FOXJ3: variants seen among roughly 807,000 people sequenced by gnomAD.
FOXJ3 encodes the protein forkhead box J3.
Under a neutral mutation model 76.1 loss-of-function variants are expected in FOXJ3, and 22 were observed. The ratio of observed to expected loss-of-function variants is 0.29; its 90% CI spans 0.21 to 0.41. The LOEUF (loss-of-function observed/expected upper bound fraction) is 0.41, where lower values mean the gene tolerates loss of function less well. Ranked by LOEUF, FOXJ3 falls within the 10% of genes least tolerant of loss-of-function variation. The pLI is 1.00. For missense variants in FOXJ3, 613 were observed against 762.1 expected, an observed-to-expected ratio of 0.80 and a Z score of 2.30; for synonymous variants, 269 against 261.2, an observed-to-expected ratio of 1.03 and a Z score of -0.29.
chr1:42,257,737 C>A (rs200804971), intron 4 of FOXJ3, among the ~76,000 whole-genome samples: 1,689 of 131,402 alleles, frequency 0.013, no homozygotes, highest in Middle Eastern at 0.022. Flanking sequence ...GACTCTGTCT[C>A]AAAAAAAAAA....
intron 1 of FOXJ3, among the ~76,000 whole-genome samples, chr1:42,313,957 C>A (rs1654959766): frequency 6.6e-6 from 1 of 152,160 alleles, no homozygotes; most frequent in Non-Finnish European, 1.5e-5. Context: ...ATCTAACATT[C>A]CCTCCTGGAA....
chr1:42,324,781 G>A (rs896311209), intron 1 of FOXJ3, among the ~76,000 whole-genome samples: 1 of 152,186 alleles, frequency 6.6e-6, no homozygotes, highest in Non-Finnish European at 1.5e-5. Flanking sequence ...TGCCTGTATA[G>A]GACACTTAAC....
At chr1:42,319,516 T>G (rs554567266) in intron 1 of FOXJ3, among the ~76,000 whole-genome samples, 1 of 152,234 alleles carries the variant, frequency 6.6e-6, no homozygotes, top group South Asian at 2.1e-4. Context: ...AAATGGAGAA[T>G]AGAGATTGAC....
At chr1:42,296,684 C>T (rs186073699) in intron 2 of FOXJ3, among the ~76,000 whole-genome samples, 107 of 152,324 alleles carry the variant, frequency 7.0e-4, no homozygotes, top group African/African-American at 2.5e-3. Flanking sequence ...TTTTGTACCA[C>T]TATCATGCTG....
intron 2 of FOXJ3, among the ~76,000 whole-genome samples, chr1:42,305,569 T>C (rs912555700): frequency 1.4e-4 from 22 of 152,100 alleles, no homozygotes; most frequent in African/African-American, 5.3e-4. Context: ...GTTTTCAACA[T>C]GGATGGAACT....
chr1:42,237,662 C>A (rs949811792), intron 4 of FOXJ3, among the ~76,000 whole-genome samples: 2 of 151,512 alleles, frequency 1.3e-5, no homozygotes, highest in Non-Finnish European at 1.5e-5. Flanking sequence ...TTTCATTTTA[C>A]GATATGTGCT....
chr1:42,208,845 A>G (rs1646910605), intron 5 of FOXJ3, among the ~76,000 whole-genome samples: 1 of 152,238 alleles, frequency 6.6e-6, no homozygotes, highest in Non-Finnish European at 1.5e-5. Flanking sequence ...ACCTACCTTA[A>G]ACACGTTCAG....
intron 1 of FOXJ3, among the ~76,000 whole-genome samples, chr1:42,324,504 T>C (rs1405761065): frequency 6.6e-6 from 1 of 151,730 alleles, no homozygotes; most frequent in Non-Finnish European, 1.5e-5. Context: ...ATTAGTACAG[T>C]GATGCATCGC....
Position 42,278,609 on chromosome 1 carries a change from T to C in FOXJ3, c.108A>G (p.Arg36=). 1 of 1,614,152 alleles carries C rather than the reference T, an allele frequency of 6.2e-7. No individual in the cohort carries two copies. The highest frequency in any genetic ancestry group is 8.5e-7 in the Non-Finnish European group (1 of 1,180,006). Reference sequence around the variant, plus strand: ...TAGCATCAGATTTTTGGATGGCTGCTCTCATGGTGAGCTGTGGTAACCAGT... The same window carrying C: ...TAGCATCAGATTTTTGGATGGCTGCCCTCATGGTGAGCTGTGGTAACCAGT... ...SMDWLPQLTM[R]AAIQKSDATQ... is the part of the protein sequence containing the mutation. Residue 36 remains arginine (R), a synonymous_variant, in exon 3 of 13, where the codon AGA becomes AGG. Transcript: ENST00000361346.
chr1:42,251,007 T>C (rs1649994277), intron 4 of FOXJ3, among the ~76,000 whole-genome samples: 1 of 151,808 alleles, frequency 6.6e-6, no homozygotes, highest in Non-Finnish European at 1.5e-5. Flanking sequence ...AGAGAAAAGA[T>C]GGGGCCAAAA....
chr1:42,191,427 C>G lies in FOXJ3; in HGVS notation c.1227G>C (p.Gln409His). 1.2e-6 allele frequency: 2 copies of G among 1,611,940 alleles called. No individual in the cohort carries two copies. Among genetic ancestry groups the G allele is most frequent in the Non-Finnish European group, 1.7e-6 (2 of 1,178,222 alleles). Residue 409 changes from glutamine (Q) to histidine (H), a missense_variant, in exon 9 of 13, where the codon CAG becomes CAC. Around this residue, in one of 3 missense-constraint regions of FOXJ3, gnomAD observed 526 missense variants for 601.4 expected, o/e 0.87. Transcript: ENST00000361346. Reference protein sequence around the residue: ...HPAPHPQQHSQLQSPHPQHPS... With the variant: ...HPAPHPQQHSHLQSPHPQHPS... ...GATGCTGGGGGTGAGGGGACTGGAG[C>G]TGGCTGTGTTGCTGTGGGTGTGGTG...
At chr1:42,274,546 T>C (rs1326887778) in intron 3 of FOXJ3, among the ~76,000 whole-genome samples, 2 of 152,214 alleles carry the variant, frequency 1.3e-5, no homozygotes, top group African/African-American at 2.4e-5. Context: ...TGAGAAACTC[T>C]ACAAAGTTAC....
intron 2 of FOXJ3, among the ~76,000 whole-genome samples, chr1:42,295,499 T>C (rs926438640): frequency 1.3e-5 from 2 of 150,392 alleles, no homozygotes; most frequent in Non-Finnish European, 3.0e-5. Flanking sequence ...ATGAATAGTG[T>C]TGAACATGAC....
At chr1:42,320,676 T>C (rs959062685) in intron 1 of FOXJ3, among the ~76,000 whole-genome samples, 1 of 152,192 alleles carries the variant, frequency 6.6e-6, no homozygotes, top group Non-Finnish European at 1.5e-5. Flanking sequence ...TTAGATCACA[T>C]TATATGTTTA....
intron 2 of FOXJ3, among the ~76,000 whole-genome samples, chr1:42,284,620 C>T (rs901214438): frequency 6.6e-6 from 1 of 152,188 alleles, no homozygotes; most frequent in East Asian, 1.9e-4. Flanking sequence ...TACAAAACTA[C>T]AGCATTAGCA....
chr1:42,208,745 C>T (rs552100428), intron 5 of FOXJ3, among the ~76,000 whole-genome samples: 1 of 152,126 alleles, frequency 6.6e-6, no homozygotes, highest in Non-Finnish European at 1.5e-5. Flanking sequence ...GATGGGGTTA[C>T]GTCCCAATAA....
intron 5 of FOXJ3, among the ~76,000 whole-genome samples, chr1:42,227,362 T>C (rs1053817179): frequency 4.6e-5 from 7 of 152,232 alleles, no homozygotes; most frequent in Non-Finnish European, 8.8e-5. Context: ...TAACTATAGT[T>C]CCTTTTTACT....
intron 11 of FOXJ3, 60 bp from the exon 12 acceptor site, chr1:42,182,084 C>T (rs1464903876): frequency 2.2e-6 from 2 of 902,744 alleles, no homozygotes; most frequent in Non-Finnish European, 1.7e-6. Flanking sequence ...ACAAATGGAG[C>T]ACTAAAATCT....
Position 42,269,684 on chromosome 1 carries a change from TC to T in FOXJ3, c.370-4496del, listed in dbSNP as rs1389088944. 2.6e-5 allele frequency among the ~76,000 whole-genome samples: 4 copies of T among 152,306 alleles called. No homozygotes were observed. The South Asian group carries it at 6.2e-4, about 24-fold the overall frequency. ...ATGTGATCTTATTTCAGTTTTCCCT[TC>T]TCAGTTTAAAGACATTATTATTCAC... On this transcript the variant is annotated intron_variant, in intron 3 of 12. Transcript: ENST00000361346.
Sources: allele counts gnomAD v4.1 joint callset (sites outside exome capture counted in the v4.1 genomes callset), GRCh38; gene constraint gnomAD v4.1.1; regional missense constraint gnomAD v4.1.1; transcripts MANE v1.5; gene names NCBI Gene and HGNC (gene_info 2026-07-23, HGNC 2026-07-21).